TTLL4: variants seen among roughly 807,000 people sequenced by gnomAD.
TTLL4 encodes the protein tubulin monoglutamylase TTLL4.
A neutral mutation model predicts 122.7 loss-of-function variants in TTLL4; 85 were observed. The observed-to-expected ratio is 0.69, with a 90% CI of 0.58 to 0.83. TTLL4 has a LOEUF of 0.83. Among genes scored for constraint, TTLL4 ranks in the 40% least tolerant of loss-of-function variants. The pLI, the probability that TTLL4 is intolerant of heterozygous loss-of-function variation, is 0.00. For missense variants in TTLL4, 1,363 were observed against 1,488.6 expected (o/e 0.92, Z 1.39); for synonymous variants, 553 against 563.0 (o/e 0.98, Z 0.25).
intron 8 of TTLL4, chr2:218,746,695 A>G: frequency 7.1e-6 from 3 of 421,754 alleles, no homozygotes; most frequent in Non-Finnish European, 1.3e-5. Flanking sequence ...CTCCAGACTT[A>G]CTAAAGGCGA....
At chr2:218,722,108 C>T (rs1942059446) in intron 1 of TTLL4, among the ~76,000 whole-genome samples, 2 of 152,100 alleles carry the variant, frequency 1.3e-5, no homozygotes. Context: ...ATAGCAAGAC[C>T]TTATCTCTAC....
chr2:218,739,774 T>G (rs1385226278), intron 3 of TTLL4, among the ~76,000 whole-genome samples: 1 of 152,218 alleles, frequency 6.6e-6, no homozygotes, highest in Non-Finnish European at 1.5e-5. Context: ...CAGATATCCA[T>G]TGATGGTTTT....
At chr2:218,723,347 A>G (rs1315420545) in intron 1 of TTLL4, among the ~76,000 whole-genome samples, 1 of 152,126 alleles carries the variant, frequency 6.6e-6, no homozygotes, top group Non-Finnish European at 1.5e-5. Flanking sequence ...TTTTATTGGG[A>G]TGTGAGGTTT....
intron 5 of TTLL4, among the ~76,000 whole-genome samples, chr2:218,741,138 C>G (rs1942689824): frequency 6.6e-6 from 1 of 152,166 alleles, no homozygotes; most frequent in African/African-American, 2.4e-5. Flanking sequence ...GCCTGTAATC[C>G]TAACACTTTG....
intron 19 of TTLL4, 85 bp downstream of exon 19, chr2:218,753,754 T>C: frequency 6.9e-7 from 1 of 1,450,802 alleles, no homozygotes; most frequent in Non-Finnish European, 9.6e-7. Context: ...ACTGTGGCAG[T>C]GAGATCAGCA....
At chr2:218,711,161 C>A (rs76587810) in intron 1 of TTLL4, 124 bp downstream of exon 1, 1,809 of 152,540 alleles carry the variant, frequency 0.012, 39 homozygotes, top group African/African-American at 0.041. Context: ...CTCACCCTAG[C>A]CCCGCTTCCT....
At chr2:218,728,921 A>AT (rs1191716175) in intron 2 of TTLL4, among the ~76,000 whole-genome samples, 7,456 of 69,152 alleles carry the variant, frequency 0.11, 1,131 homozygotes, top group African/African-American at 0.32. Flanking sequence ...CTGGTGGTCT[A>AT]TTTTTTTTTT....
At chr2:218,723,387 C>T (rs563590579) in intron 1 of TTLL4, among the ~76,000 whole-genome samples, 1 of 152,300 alleles carries the variant, frequency 6.6e-6, no homozygotes, top group East Asian at 1.9e-4. Context: ...ATAGCATTTT[C>T]CCTCTAAGTA....
At chr2:218,721,220 A>C (rs1942029920) in intron 1 of TTLL4, among the ~76,000 whole-genome samples, 1 of 138,346 alleles carries the variant, frequency 7.2e-6, no homozygotes, top group Non-Finnish European at 1.5e-5. Context: ...GGTTTTGGGA[A>C]CCTCAATTTA....
At position 218,754,160 on chromosome 2, in the gene TTLL4, T is replaced by A. The variant is rs1355285477; in HGVS notation, c.3371T>A (p.Leu1124Gln). The A allele has an allele frequency of 4.3e-6, 7 of 1,614,034 alleles. No homozygotes were observed. The highest frequency in any genetic ancestry group is 5.9e-6 in the Non-Finnish European group (7 of 1,180,038). ...LGKQSSCEVSLLLSEDGTTPK... is the reference protein window; with the variant it reads ...LGKQSSCEVSQLLSEDGTTPK... The stretch of plus-strand genomic sequence containing the variant: ...AAACAAAGCTCCTGTGAGGTTAGCC[T>A]ACTACTCTCTGAAGACGGGACCACG... The change falls in exon 20 of 20, where the codon CTA becomes CAA. Residue 1124 changes from leucine to glutamine, a missense_variant. Coordinates refer to ENST00000392102, the MANE Select transcript of TTLL4 (RefSeq NM_014640.5).
chr2:218,744,430 CTTG>C (rs1370964517), intron 5 of TTLL4, among the ~76,000 whole-genome samples: 7 of 152,136 alleles, frequency 4.6e-5, no homozygotes, highest in Non-Finnish European at 1.0e-4. Context: ...TGGCCAAGCC[CTTG>C]TTGGATTAAC....
Position 218,754,294 on chromosome 2 carries a change from T to C in TTLL4, c.3505T>C (p.Leu1169=). ...AGAGCCCAGCCTTTCTACCCAGACG[T>C]TACCTGTGATCAAGTGCTCTGGGCA... ...SKEPSLSTQT[L]PVIKCSGQTS... is the part of the protein sequence containing the mutation. Residue 1169 remains leucine, a synonymous_variant, in exon 20 of 20, where the codon TTA becomes CTA. Transcript: ENST00000392102. 6.2e-7 allele frequency: 1 copy of C among 1,614,192 alleles called. No homozygotes were observed. Among genetic ancestry groups the C allele is most frequent in the Non-Finnish European group, 8.5e-7 (1 of 1,180,020 alleles).
At chr2:218,739,977 G>T in intron 3 of TTLL4, 81 bp from the exon 4 acceptor site, 1 of 1,288,634 alleles carries the variant, frequency 7.8e-7, no homozygotes, top group Non-Finnish European at 1.1e-6. Flanking sequence ...GCAAATACTG[G>T]GAGATGATGA....
At chr2:218,720,270 G>C (rs751110160) in intron 1 of TTLL4, among the ~76,000 whole-genome samples, 1 of 152,138 alleles carries the variant, frequency 6.6e-6, no homozygotes, top group Non-Finnish European at 1.5e-5. Flanking sequence ...TGATGTGGGG[G>C]AGGATGAAAG....
At chr2:218,725,546 A>G (rs57126468) in intron 1 of TTLL4, among the ~76,000 whole-genome samples, 5,555 of 151,978 alleles carry the variant, frequency 0.037, 339 homozygotes, top group African/African-American at 0.13. Context: ...CTCAATTTAC[A>G]TATTTTTTAT....
Position 218,753,685 on chromosome 2 carries a change from G to A in TTLL4, c.3344+16G>A, listed in dbSNP as rs770397631. The A allele has an allele frequency of 6.2e-7, 1 of 1,613,632 alleles. No homozygotes were observed. The highest frequency in any genetic ancestry group is 8.5e-7 in the Non-Finnish European group (1 of 1,179,710). ...GCAAGCTGGGGTGAGTGCTGCCTGG[G>A]CAAGGGAGGGGCTGCTGGCTGTGAG... On this transcript the variant is annotated intron_variant, in intron 19 of 19. Coordinates refer to ENST00000392102, the MANE Select transcript of TTLL4 (RefSeq NM_014640.5).
intron 2 of TTLL4, among the ~76,000 whole-genome samples, chr2:218,733,436 C>G (rs560686833): frequency 6.6e-6 from 1 of 152,152 alleles, no homozygotes; most frequent in Non-Finnish European, 1.5e-5. Flanking sequence ...TTTAAACAAC[C>G]AGATCTCATG....
At chr2:218,751,887 C>CTTTTTTTTTTTTTTTT (rs72027596) in intron 16 of TTLL4, 81 bp downstream of exon 16, 1 of 420,764 alleles carries the variant, frequency 2.4e-6, no homozygotes. Flanking sequence ...AACAGCTTTT[C>CTTTTTTTTTTTTTTTT]TTTTTTTTTT....
In TTLL4 at chr2:218,725,586, T is replaced by TA. The variant is rs1231830064; in HGVS notation, c.-177-1682dup. Reference sequence around the variant, plus strand: ...CCTTTTTTTTTTGGAGACAAAGTCTTACGCTGTCGTCCATGCTGGGGTGTA... The same window carrying TA: ...CCTTTTTTTTTTGGAGACAAAGTCTTAACGCTGTCGTCCATGCTGGGGTGTA... On this transcript the variant is annotated intron_variant, in intron 1 of 19. Transcript: ENST00000392102. Among the ~76,000 whole-genome samples the TA allele has an allele frequency of 2.6e-5, 4 of 152,224 alleles. No homozygotes were observed. The East Asian group carries it at 5.8e-4, about 22-fold the overall frequency.
Sources: allele counts gnomAD v4.1 joint callset (sites outside exome capture counted in the v4.1 genomes callset), GRCh38; gene constraint gnomAD v4.1.1; transcripts MANE v1.5; gene names NCBI Gene and HGNC (gene_info 2026-07-23, HGNC 2026-07-21).